FGF13: variants seen among roughly 807,000 people sequenced by gnomAD.
FGF13 encodes fibroblast growth factor homologous factor 2.
A neutral mutation model predicts 19.5 loss-of-function variants in FGF13; 2 were observed. That is an observed-to-expected ratio of 0.10 (90% CI 0.04 to 0.32). FGF13 has a LOEUF of 0.32. FGF13 is among the 10% of genes least tolerant of loss of function. The probability of loss-of-function intolerance (pLI) is 1.00; values close to 1 mark genes in which losing one functional copy is unlikely to be tolerated. For synonymous variants in FGF13, 72 were observed against 76.9 expected (o/e 0.94, Z 0.33); for missense variants, 113 against 192.7 (o/e 0.59, Z 2.45).
intron 1 of FGF13, among the ~76,000 whole-genome samples, chrX:139,157,713 C>T (rs773016702): frequency 8.9e-6 from 1 of 112,884 alleles, no homozygotes; most frequent in Admixed American, 9.3e-5. Context: ...AAATTAGTAC[C>T]AGAAAGTGGT....
At chrX:138,698,982 G>A (rs1489387151) in intron 3 of FGF13, among the ~76,000 whole-genome samples, 1 of 111,485 alleles carries the variant, frequency 9.0e-6, no homozygotes, top group Non-Finnish European at 1.9e-5. Flanking sequence ...TTGACCCACG[G>A]CCTTAGCTTA....
chrX:138,801,464 C>G (rs182146870), intron 3 of FGF13, among the ~76,000 whole-genome samples: 2 of 111,637 alleles, frequency 1.8e-5, no homozygotes, highest in Non-Finnish European at 3.8e-5. Flanking sequence ...AAGTTTCACC[C>G]CAGAGGGGCA....
chrX:138,697,439 G>A (rs6635713), intron 3 of FGF13, among the ~76,000 whole-genome samples: 1 of 109,899 alleles, frequency 9.1e-6, no homozygotes, highest in Non-Finnish European at 1.9e-5. Context: ...CTGACTCTCA[G>A]AAAGAGGACT....
Position 138,631,334 on chromosome X carries a change from C to T in FGF13, c.*1516G>A, listed in dbSNP as rs2089113814. 8.9e-6 allele frequency: 1 copy of T among 111,994 alleles called. No homozygotes were observed. Among genetic ancestry groups the T allele is most frequent in the Non-Finnish European group, 1.9e-5 (1 of 53,230 alleles). 9.2% of individuals were successfully genotyped at this position (111,994 alleles called of 1,213,427 possible). A position where few individuals can be genotyped will look rare whatever the true frequency, so the allele number is the denominator to read the frequency against. ...GGCAGAGAAAATACTAGCACAAACGCCTCATTTGTATAATTTGACTACTGA... is the reference window on the plus strand; with the variant it reads ...GGCAGAGAAAATACTAGCACAAACGTCTCATTTGTATAATTTGACTACTGA... On this transcript the variant is annotated 3_prime_UTR_variant, in exon 5 of 5. Transcript: ENST00000315930.
chrX:139,201,424 G>A (rs1225655050), intron 1 of FGF13, among the ~76,000 whole-genome samples: 1 of 111,855 alleles, frequency 8.9e-6, no homozygotes, highest in Non-Finnish European at 1.9e-5. Context: ...GAATTTAAAT[G>A]AGCAGTAGAC....
At chrX:138,773,664 T>G (rs2090565572) in intron 3 of FGF13, among the ~76,000 whole-genome samples, 1 of 112,404 alleles carries the variant, frequency 8.9e-6, no homozygotes, top group Non-Finnish European at 1.9e-5. Flanking sequence ...GTTTTACTTC[T>G]TAGCTGTCAA....
intron 1 of FGF13, among the ~76,000 whole-genome samples, chrX:139,135,590 G>T (rs992296043): frequency 1.9e-4 from 21 of 111,691 alleles, no homozygotes; most frequent in African/African-American, 6.8e-4. Context: ...TCAGTGCTTG[G>T]TTATGTGAGG....
At chrX:139,054,262 A>G (rs908372237) in intron 1 of FGF13, among the ~76,000 whole-genome samples, 5 of 107,649 alleles carry the variant, frequency 4.6e-5, no homozygotes, top group African/African-American at 1.7e-4. Flanking sequence ...AGCTGGGACT[A>G]CAGGCACCCA....
At chrX:139,166,251 C>T (rs1182765694) in intron 1 of FGF13, among the ~76,000 whole-genome samples, 2 of 111,502 alleles carry the variant, frequency 1.8e-5, no homozygotes, top group Non-Finnish European at 3.8e-5. Flanking sequence ...ATGCTATTCT[C>T]GTGATAGTAA....
chrX:138,671,083 T>G (rs969031346), intron 3 of FGF13, among the ~76,000 whole-genome samples: 1 of 111,151 alleles, frequency 9.0e-6, no homozygotes, highest in African/African-American at 3.3e-5. Flanking sequence ...TACATCATCA[T>G]AAAGTATATT....
At chrX:138,942,842 CTTG>C (rs772984544) in intron 1 of FGF13, among the ~76,000 whole-genome samples, 2 of 111,484 alleles carry the variant, frequency 1.8e-5, no homozygotes, top group African/African-American at 3.3e-5. Context: ...CTTCAAGTAT[CTTG>C]TTGTTTTTTT....
At chrX:138,762,010 G>T (rs2090470928) in intron 3 of FGF13, among the ~76,000 whole-genome samples, 1 of 107,871 alleles carries the variant, frequency 9.3e-6, no homozygotes, top group Admixed American at 1.0e-4. Flanking sequence ...TACCTCTGCA[G>T]TCCAGTATAG....
intron 3 of FGF13, among the ~76,000 whole-genome samples, chrX:138,818,181 C>G (rs1330660986): frequency 9.0e-6 from 1 of 111,217 alleles, no homozygotes; most frequent in Non-Finnish European, 1.9e-5. Flanking sequence ...GAGATTTCTA[C>G]ATATTTGATT....
chrX:139,031,119 A>C (rs1219181882), intron 1 of FGF13, among the ~76,000 whole-genome samples: 1 of 111,830 alleles, frequency 8.9e-6, no homozygotes, highest in Admixed American at 9.5e-5. Context: ...CATCTTCCTC[A>C]GGGAAACTCA....
chrX:138,874,462 A>T (rs1235305709), intron 1 of FGF13, among the ~76,000 whole-genome samples: 1 of 110,898 alleles, frequency 9.0e-6, no homozygotes, highest in Non-Finnish European at 1.9e-5. Context: ...TTTTTGTAAC[A>T]CCTGTTTAAC....
At chrX:138,873,696 T>C (rs1017764462) in intron 1 of FGF13, among the ~76,000 whole-genome samples, 1 of 110,966 alleles carries the variant, frequency 9.0e-6, no homozygotes, top group African/African-American at 3.3e-5. Context: ...GGAGTGTTTA[T>C]TGGTGTCTTC....
At chrX:138,759,269 G>C (rs1467681385) in intron 3 of FGF13, among the ~76,000 whole-genome samples, 4 of 112,339 alleles carry the variant, frequency 3.6e-5, no homozygotes, top group Non-Finnish European at 7.5e-5. Context: ...TGGGAACACT[G>C]CATACACCAA....
intron 1 of FGF13, among the ~76,000 whole-genome samples, chrX:139,112,385 T>G (rs1412242593): frequency 1.8e-5 from 2 of 111,835 alleles, no homozygotes; most frequent in Non-Finnish European, 3.8e-5. Context: ...ATAACAACAT[T>G]GAGATACCAT....
intron 1 of FGF13, among the ~76,000 whole-genome samples, chrX:139,191,654 G>A (rs1408468558): frequency 9.0e-6 from 1 of 111,335 alleles, no homozygotes; most frequent in Admixed American, 9.5e-5. Flanking sequence ...AGAAGGGGTG[G>A]GGGTGCACCT....
Sources: gnomAD v4.1 joint callset for allele counts (sites outside exome capture counted in the v4.1 genomes callset) on GRCh38, gnomAD v4.1.1 for gene constraint, MANE v1.5 for transcripts, NCBI Gene and HGNC (gene_info 2026-07-23, HGNC 2026-07-21) for gene names.